The following KIAA1328 variants were observed in gnomAD, a reference collection of about 807,000 sequenced individuals.
KIAA1328 encodes protein hinderin.
In KIAA1328, 52 loss-of-function variants were observed where a neutral mutation model predicts 68.1. The ratio of observed to expected loss-of-function variants is 0.76; its 90% CI spans 0.61 to 0.96. The LOEUF (loss-of-function observed/expected upper bound fraction) is 0.96, where lower values mean the gene tolerates loss of function less well. Among genes scored for constraint, KIAA1328 ranks in the 40% least tolerant of loss-of-function variants. The pLI is 0.00. For synonymous variants in KIAA1328, 232 were observed against 239.4 expected, an observed-to-expected ratio of 0.97 and a Z score of 0.28; for missense variants, 641 against 677.6, an observed-to-expected ratio of 0.95 and a Z score of 0.60.
intron 6 of KIAA1328, among the ~76,000 whole-genome samples, chr18:36,981,198 A>G (rs2052670904): frequency 6.6e-6 from 1 of 152,174 alleles, no homozygotes; most frequent in Non-Finnish European, 1.5e-5. Context: ...TTTTTGTCCT[A>G]GTCATGGAAA....
intron 7 of KIAA1328, 81 bp downstream of exon 7, chr18:37,067,626 T>A: frequency 1.0e-5 from 14 of 1,368,226 alleles, no homozygotes; most frequent in Non-Finnish European, 1.3e-5. Flanking sequence ...AGTGGCACAA[T>A]CTCAGCTCAC....
chr18:36,893,787 A>G (rs890119069), intron 5 of KIAA1328, among the ~76,000 whole-genome samples: 2 of 152,096 alleles, frequency 1.3e-5, no homozygotes, highest in African/African-American at 2.4e-5. Context: ...TGATAGAAAA[A>G]CTATTAAAAA....
At chr18:37,229,647 G>A (rs774680364), downstream of KIAA1328, 17 of 902,534 alleles carry the variant, frequency 1.9e-5, no homozygotes, top group Middle Eastern at 3.8e-4. Context: ...GGCCGAGGCA[G>A]CCGGATCATG....
chr18:37,149,338 C>G (rs2058977081), intron 7 of KIAA1328, among the ~76,000 whole-genome samples: 1 of 152,078 alleles, frequency 6.6e-6, no homozygotes, highest in Non-Finnish European at 1.5e-5. Context: ...ATAAGTGGTG[C>G]TGGGAGAACT....
intron 7 of KIAA1328, among the ~76,000 whole-genome samples, chr18:37,076,656 C>A (rs954625433): frequency 5.3e-5 from 8 of 151,752 alleles, no homozygotes; most frequent in African/African-American, 1.9e-4. Flanking sequence ...GGGGATATCA[C>A]CACCAATCCC....
At chr18:37,069,321 A>G (rs1295119203) in intron 7 of KIAA1328, among the ~76,000 whole-genome samples, 1 of 147,956 alleles carries the variant, frequency 6.8e-6, no homozygotes, top group Non-Finnish European at 1.5e-5. Context: ...GTGCAGTGGC[A>G]TGATCTTAGC....
intron 5 of KIAA1328, among the ~76,000 whole-genome samples, chr18:36,925,558 A>G (rs1325436292): frequency 6.7e-6 from 1 of 149,486 alleles, no homozygotes; most frequent in Non-Finnish European, 1.5e-5. Context: ...TTTTTTTGAG[A>G]TGGGATCTCA....
chr18:37,104,023 G>A (rs2057700707), intron 7 of KIAA1328, among the ~76,000 whole-genome samples: 1 of 152,118 alleles, frequency 6.6e-6, no homozygotes, highest in Non-Finnish European at 1.5e-5. Context: ...CATAACAAAT[G>A]TTGGCAAGAA....
chr18:37,035,333 C>T (rs2054983465), intron 6 of KIAA1328, among the ~76,000 whole-genome samples: 1 of 152,222 alleles, frequency 6.6e-6, no homozygotes, highest in Non-Finnish European at 1.5e-5. Flanking sequence ...TCAGGCCCTA[C>T]TCCATACCTA....
chr18:36,916,654 T>A (rs2049713180), intron 5 of KIAA1328, among the ~76,000 whole-genome samples: 1 of 152,196 alleles, frequency 6.6e-6, no homozygotes, highest in South Asian at 2.1e-4. Context: ...TCCTTACATG[T>A]GGGTCAGGAG....
chr18:37,203,662 A>G (rs1475074793), intron 9 of KIAA1328, among the ~76,000 whole-genome samples: 1 of 152,214 alleles, frequency 6.6e-6, no homozygotes, highest in Non-Finnish European at 1.5e-5. Context: ...AACATCTGGT[A>G]TATCTGACCC....
At chr18:36,933,781 G>A (rs1037672172) in intron 5 of KIAA1328, among the ~76,000 whole-genome samples, 5 of 152,228 alleles carry the variant, frequency 3.3e-5, no homozygotes, top group African/African-American at 1.2e-4. Flanking sequence ...ACACGCTCCT[G>A]TGGAGCAGCC....
At chr18:37,062,540 C>A (rs1346510567) in intron 6 of KIAA1328, among the ~76,000 whole-genome samples, 1 of 151,574 alleles carries the variant, frequency 6.6e-6, no homozygotes, top group African/African-American at 2.4e-5. Context: ...ACTGCAAGCT[C>A]CGCCTCCTGG....
intron 6 of KIAA1328, among the ~76,000 whole-genome samples, chr18:37,045,179 C>G (rs1202666504): frequency 1.3e-5 from 2 of 151,974 alleles, no homozygotes; most frequent in Non-Finnish European, 2.9e-5. Flanking sequence ...TAATAAATAC[C>G]TGTTTTAACA....
chr18:37,059,420 CA>C (rs923619021), intron 6 of KIAA1328, among the ~76,000 whole-genome samples: 2 of 152,066 alleles, frequency 1.3e-5, no homozygotes, highest in African/African-American at 4.8e-5. Flanking sequence ...TTTATGTGAC[CA>C]ACAAACATAA....
chr18:37,006,632 C>T (rs778176325), intron 6 of KIAA1328, among the ~76,000 whole-genome samples: 5 of 151,972 alleles, frequency 3.3e-5, no homozygotes, highest in East Asian at 1.9e-4. Context: ...CCCATTAACT[C>T]GTCATTTACA....
intron 8 of KIAA1328, among the ~76,000 whole-genome samples, chr18:37,170,387 A>G (rs1226525684): frequency 2.6e-5 from 4 of 152,176 alleles, no homozygotes; most frequent in African/African-American, 9.7e-5. Flanking sequence ...AAATAAGTAC[A>G]CTAATATAAT....
intron 7 of KIAA1328, among the ~76,000 whole-genome samples, chr18:37,118,338 A>G (rs897918682): frequency 6.6e-6 from 1 of 152,126 alleles, no homozygotes; most frequent in African/African-American, 2.4e-5. Flanking sequence ...TCCCTTTGCC[A>G]TCAGCAAGCA....
intron 7 of KIAA1328, among the ~76,000 whole-genome samples, chr18:37,089,515 C>A (rs184177751): frequency 6.6e-6 from 1 of 151,914 alleles, no homozygotes; most frequent in East Asian, 1.9e-4. Context: ...GCTGGGACTA[C>A]AGGTGCACGC....
Sources: allele counts gnomAD v4.1 joint callset (sites outside exome capture counted in the v4.1 genomes callset), GRCh38; gene constraint gnomAD v4.1.1; transcripts MANE v1.5; gene names NCBI Gene and HGNC (gene_info 2026-07-23, HGNC 2026-07-21).